The following SGCZ variants were observed in gnomAD, a reference collection of about 807,000 sequenced individuals.
SGCZ encodes sarcoglycan zeta, also known as zeta-sarcoglycan.
Under a neutral mutation model 41.3 loss-of-function variants are expected in SGCZ, and 40 were observed. The ratio of observed to expected loss-of-function variants is 0.97; its 90% CI spans 0.75 to 1.26. SGCZ has a LOEUF of 1.26. Among genes scored for constraint, SGCZ ranks in the 50% most tolerant of loss-of-function variants. SGCZ has a pLI of 0.00. For synonymous variants in SGCZ, 206 were observed against 137.5 expected (o/e 1.50, Z -3.49); for missense variants, 552 against 369.8 (o/e 1.49, Z -4.04).
chr8:14,406,350 C>T (rs995061052), intron 2 of SGCZ, among the ~76,000 whole-genome samples: 2 of 152,074 alleles, frequency 1.3e-5, no homozygotes, highest in African/African-American at 4.8e-5. Flanking sequence ...ATTTTCTCTC[C>T]ATCTCACAGA....
intron 1 of SGCZ, among the ~76,000 whole-genome samples, chr8:14,567,610 C>T (rs1017673909): frequency 1.6e-4 from 25 of 152,144 alleles, no homozygotes; most frequent in African/African-American, 5.8e-4. Flanking sequence ...CCTAAGCCAG[C>T]AGTGGCAACC....
intron 2 of SGCZ, among the ~76,000 whole-genome samples, chr8:14,544,752 T>C (rs1803573059): frequency 1.3e-5 from 2 of 152,150 alleles, no homozygotes; most frequent in African/African-American, 4.8e-5. Flanking sequence ...AAGATCTTTA[T>C]CAAGACAATA....
chr8:14,900,045 T>C (rs895587050), intron 1 of SGCZ, among the ~76,000 whole-genome samples: 2 of 152,118 alleles, frequency 1.3e-5, no homozygotes, highest in Non-Finnish European at 2.9e-5. Context: ...TTCTCCAGTG[T>C]TCTGTGGAAG....
At chr8:14,852,804 T>A (rs1803382167) in intron 1 of SGCZ, among the ~76,000 whole-genome samples, 1 of 152,200 alleles carries the variant, frequency 6.6e-6, no homozygotes, top group African/African-American at 2.4e-5. Context: ...TAGTGTTTCA[T>A]GGAGTAATAG....
At chr8:15,016,202 G>T (rs1159439806) in intron 1 of SGCZ, among the ~76,000 whole-genome samples, 1 of 151,994 alleles carries the variant, frequency 6.6e-6, no homozygotes, top group African/African-American at 2.4e-5. Flanking sequence ...ACTTACACCT[G>T]CCCCATTCCA....
At chr8:15,071,931 A>G (rs1357971172) in intron 1 of SGCZ, among the ~76,000 whole-genome samples, 1 of 152,190 alleles carries the variant, frequency 6.6e-6, no homozygotes, top group Non-Finnish European at 1.5e-5. Flanking sequence ...AGTCAGAGGC[A>G]GACAACTTCT....
At chr8:14,342,039 G>C (rs1033332893) in intron 2 of SGCZ, among the ~76,000 whole-genome samples, 2 of 152,222 alleles carry the variant, frequency 1.3e-5, no homozygotes, top group African/African-American at 2.4e-5. Context: ...GGTTGGAACA[G>C]TTTGGAGGGC....
At chr8:14,502,585 A>G (rs1802185346) in intron 2 of SGCZ, among the ~76,000 whole-genome samples, 2 of 151,170 alleles carry the variant, frequency 1.3e-5, no homozygotes, top group African/African-American at 4.9e-5. Context: ...TACAGAATCT[A>G]TAAGGAACTT....
intron 1 of SGCZ, among the ~76,000 whole-genome samples, chr8:14,833,952 G>C (rs1357541742): frequency 6.6e-6 from 1 of 152,186 alleles, no homozygotes; most frequent in Non-Finnish European, 1.5e-5. Context: ...GCCTCGCTTA[G>C]AAATATTGTG....
intron 1 of SGCZ, among the ~76,000 whole-genome samples, chr8:14,903,130 C>T (rs1482166067): frequency 6.6e-6 from 1 of 152,042 alleles, no homozygotes; most frequent in Non-Finnish European, 1.5e-5. Flanking sequence ...TAATTAAGTC[C>T]TTCTCTAAAG....
At chr8:14,210,357 C>T (rs1052943164) in intron 4 of SGCZ, among the ~76,000 whole-genome samples, 60 of 151,950 alleles carry the variant, frequency 3.9e-4, no homozygotes, top group African/African-American at 1.3e-3. Flanking sequence ...CCATGCCTGG[C>T]CATTATTAAC....
intron 4 of SGCZ, among the ~76,000 whole-genome samples, chr8:14,184,251 T>G (rs1383871815): frequency 6.6e-6 from 1 of 152,166 alleles, no homozygotes. Flanking sequence ...ACAGATTATC[T>G]GTGATCTCAT....
intron 4 of SGCZ, among the ~76,000 whole-genome samples, chr8:14,178,377 T>A (rs1804618475): frequency 1.3e-5 from 2 of 152,240 alleles, no homozygotes; most frequent in South Asian, 4.1e-4. Context: ...GCAACTGCCT[T>A]ACTCAAAATT....
At position 14,453,018 on chromosome 8, in the gene SGCZ, G is replaced by A. The variant is rs371959619; in HGVS notation, c.234+101714C>T. On this transcript the variant is annotated intron_variant, in intron 2 of 7. Coordinates refer to ENST00000382080, the MANE Select transcript of SGCZ (RefSeq NM_139167.4). The stretch of plus-strand genomic sequence containing the variant: ...CTCGGGAGGCTGAGGCACAAGAATC[G>A]CTTGAACCCAGGAGGCAGAGGCTGC... Among the ~76,000 whole-genome samples the A allele has an allele frequency of 3.5e-4, 53 of 152,090 alleles. 1 individual carries two copies. The highest frequency in any genetic ancestry group is 1.2e-3 in the South Asian group (6 of 4,810).
intron 1 of SGCZ, among the ~76,000 whole-genome samples, chr8:14,889,708 A>T (rs1397196115): frequency 6.6e-6 from 1 of 152,062 alleles, no homozygotes; most frequent in African/African-American, 2.4e-5. Context: ...TATACTATTA[A>T]TGTAGTTATT....
intron 1 of SGCZ, among the ~76,000 whole-genome samples, chr8:14,812,503 G>A (rs933613222): frequency 6.6e-6 from 1 of 152,104 alleles, no homozygotes; most frequent in Non-Finnish European, 1.5e-5. Flanking sequence ...AACATCACAC[G>A]TGAACATTTC....
intron 1 of SGCZ, among the ~76,000 whole-genome samples, chr8:14,646,302 A>T (rs761095697): frequency 6.6e-6 from 1 of 151,894 alleles, no homozygotes; most frequent in Non-Finnish European, 1.5e-5. Flanking sequence ...AACATGTGGT[A>T]TTTGGTTTTC....
chr8:14,215,060 A>G (rs1809024443), intron 4 of SGCZ, among the ~76,000 whole-genome samples: 1 of 152,170 alleles, frequency 6.6e-6, no homozygotes. Flanking sequence ...CAAAATTCAG[A>G]CACACATTAT....
At chr8:14,685,286 T>C (rs1001551099) in intron 1 of SGCZ, among the ~76,000 whole-genome samples, 1 of 152,056 alleles carries the variant, frequency 6.6e-6, no homozygotes, top group East Asian at 1.9e-4. Context: ...TATTTTGGGG[T>C]GGACATTTCC....
Sources: gnomAD v4.1 joint callset for allele counts (sites outside exome capture counted in the v4.1 genomes callset) on GRCh38, gnomAD v4.1.1 for gene constraint, MANE v1.5 for transcripts, NCBI Gene and HGNC (gene_info 2026-07-23, HGNC 2026-07-21) for gene names.